Variants in TLN2 observed in about 807,000 individuals in gnomAD.
The protein encoded by TLN2 is talin 2.
In TLN2, 118 loss-of-function variants were observed where a neutral mutation model predicts 294.7. That is an observed-to-expected ratio of 0.40 (90% CI 0.34 to 0.47). The LOEUF (loss-of-function observed/expected upper bound fraction) is 0.47. Ranked by LOEUF, TLN2 falls within the 20% of genes least tolerant of loss-of-function variation. TLN2 has a pLI of 0.84. For synonymous variants in TLN2, 1,431 were observed against 1,304.5 expected, an observed-to-expected ratio of 1.10 and a Z score of -2.09; for missense variants, 3,083 against 3,282.2, an observed-to-expected ratio of 0.94 and a Z score of 1.48.
chr15:62,602,475 A>G (rs1201211614), intron 2 of TLN2, among the ~76,000 whole-genome samples: 1 of 152,224 alleles, frequency 6.6e-6, no homozygotes, highest in Non-Finnish European at 1.5e-5. Context: ...CAGTATTGTC[A>G]GGGATCCAGA....
At chr15:62,407,748 C>T (rs2033496683) in intron 1 of TLN2, among the ~76,000 whole-genome samples, 1 of 151,986 alleles carries the variant, frequency 6.6e-6, no homozygotes, top group Non-Finnish European at 1.5e-5. Flanking sequence ...GAAACCCCAT[C>T]TCTACTAAAA....
intron 2 of TLN2, among the ~76,000 whole-genome samples, chr15:62,593,122 G>C (rs1167638801): frequency 2.6e-5 from 4 of 152,178 alleles, no homozygotes; most frequent in Non-Finnish European, 5.9e-5. Context: ...TTGTCATTCT[G>C]TACCAGTCAT....
chr15:62,764,916 A>G (rs2062897474), intron 40 of TLN2, among the ~76,000 whole-genome samples: 1 of 149,762 alleles, frequency 6.7e-6, no homozygotes, highest in Non-Finnish European at 1.5e-5. Flanking sequence ...GCAGTGAGTG[A>G]GCCGAGATCA....
chr15:62,447,139 T>A (rs143440631), intron 1 of TLN2, among the ~76,000 whole-genome samples: 3 of 147,820 alleles, frequency 2.0e-5, no homozygotes, highest in Non-Finnish European at 4.5e-5. Context: ...TCCCAGACTT[T>A]GTTCAAGAAG....
chr15:62,445,350 T>C (rs1185798164), intron 1 of TLN2, among the ~76,000 whole-genome samples: 4 of 152,176 alleles, frequency 2.6e-5, no homozygotes, highest in African/African-American at 9.7e-5. Flanking sequence ...CTAATGTATA[T>C]GCTATATACG....
At chr15:62,763,726 C>T (rs374338393) in intron 40 of TLN2, 31 bp downstream of exon 40, 65 of 1,571,324 alleles carry the variant, frequency 4.1e-5, no homozygotes, top group Non-Finnish European at 4.7e-5. Context: ...CCTGCTTAGT[C>T]GCCTCTAGAT....
At chr15:62,466,521 T>C (rs1387813392) in intron 1 of TLN2, among the ~76,000 whole-genome samples, 1 of 152,232 alleles carries the variant, frequency 6.6e-6, no homozygotes, top group African/African-American at 2.4e-5. Flanking sequence ...CATTGCCAAA[T>C]GTTCCCTGTG....
intron 1 of TLN2, among the ~76,000 whole-genome samples, chr15:62,485,421 G>T (rs963728238): frequency 6.6e-6 from 1 of 152,146 alleles, no homozygotes; most frequent in Non-Finnish European, 1.5e-5. Context: ...GATGCCTGGC[G>T]GTGTGGTCTC....
At chr15:62,648,384 G>A (rs77215444) in intron 4 of TLN2, among the ~76,000 whole-genome samples, 4,873 of 123,744 alleles carry the variant, frequency 0.039, 300 homozygotes, top group African/African-American at 0.14. Context: ...CAGCCTGGGC[G>A]ATGAAGCGAG....
intron 1 of TLN2, among the ~76,000 whole-genome samples, chr15:62,550,637 G>A (rs978846933): frequency 2.0e-5 from 3 of 152,104 alleles, no homozygotes; most frequent in African/African-American, 7.2e-5. Flanking sequence ...AAGGATATTT[G>A]GGGGGTCACT....
rs1487400605 is a variant in TLN2 at position 62,838,908 on chromosome 15, A to G, written c.7427A>G (p.Gln2476Arg). ...RASDNLVRAA[Q>R]KAAFGKADDD... ...TCAGACAATCTTGTCCGTGCAGCCCAGAAGGCAGCTTTTGGCAAAGCTGAT... is the reference window on the plus strand; with the variant it reads ...TCAGACAATCTTGTCCGTGCAGCCCGGAAGGCAGCTTTTGGCAAAGCTGAT... Residue 2476 changes from glutamine (Q) to arginine (R), a missense_variant, in exon 58 of 59, where the codon CAG (glutamine) becomes CGG (arginine). Coordinates refer to ENST00000636159, the MANE Select transcript of TLN2 (RefSeq NM_015059.3). 5 of 1,612,178 alleles carry G rather than the reference A, an allele frequency of 3.1e-6. No homozygotes were observed. The highest frequency in any genetic ancestry group is 4.2e-6 in the Non-Finnish European group (5 of 1,180,030).
intron 1 of TLN2, among the ~76,000 whole-genome samples, chr15:62,507,372 C>T (rs904931044): frequency 2.0e-5 from 3 of 152,196 alleles, no homozygotes; most frequent in African/African-American, 7.2e-5. Context: ...CCGTGTGATG[C>T]TTGAGTTGCC....
intron 9 of TLN2, among the ~76,000 whole-genome samples, chr15:62,668,681 A>C (rs1288657237): frequency 1.3e-5 from 2 of 152,202 alleles, no homozygotes; most frequent in Non-Finnish European, 2.9e-5. Context: ...ACCCTGGGCA[A>C]CTTAGCATCG....
At chr15:62,738,951 G>T (rs2061172804) in intron 30 of TLN2, among the ~76,000 whole-genome samples, 1 of 152,166 alleles carries the variant, frequency 6.6e-6, no homozygotes, top group Non-Finnish European at 1.5e-5. Flanking sequence ...AAGTTTGAGA[G>T]CATCTGCCTT....
chr15:62,589,436 C>G (rs1181522592), intron 1 of TLN2, among the ~76,000 whole-genome samples: 1 of 152,150 alleles, frequency 6.6e-6, no homozygotes, highest in Non-Finnish European at 1.5e-5. Flanking sequence ...GCATTCCTAC[C>G]ACAAGGAAGA....
chr15:62,642,776 C>T (rs749026904), intron 3 of TLN2, among the ~76,000 whole-genome samples: 1 of 150,950 alleles, frequency 6.6e-6, no homozygotes, highest in East Asian at 1.9e-4. Flanking sequence ...CTGCTCATTG[C>T]GGGTTCAATG....
chr15:62,779,723 G>A (rs1206409057), intron 43 of TLN2, among the ~76,000 whole-genome samples: 3 of 152,222 alleles, frequency 2.0e-5, no homozygotes, highest in East Asian at 1.9e-4. Context: ...GAATGAGTAT[G>A]CAATTCAGTC....
rs2056046454 is a variant in TLN2 at position 62,675,318 on chromosome 15, G to A, written c.954G>A (p.Val318=). ...LRTYGVSFFL[V]KEKMKGKNKL... is the part of the protein sequence containing the mutation. ...CATATGGCGTGTCCTTCTTCCTGGT[G>A]AAGGTGAGTTGGGCAGAATGGGGAG... The change falls in exon 11 of 59, where the codon GTG becomes GTA. Residue 318 remains valine, a synonymous_variant. Coordinates refer to ENST00000636159, the MANE Select transcript of TLN2 (RefSeq NM_015059.3). The A allele has an allele frequency of 1.2e-6, 2 of 1,614,134 alleles. No individual in the cohort carries two copies. Among genetic ancestry groups the A allele is most frequent in the Non-Finnish European group, 1.7e-6 (2 of 1,179,988 alleles).
intron 1 of TLN2, among the ~76,000 whole-genome samples, chr15:62,506,941 G>A (rs2039650758): frequency 6.6e-6 from 1 of 152,120 alleles, no homozygotes; most frequent in Non-Finnish European, 1.5e-5. Flanking sequence ...TGTCATTTCA[G>A]CATATGTGAA....
Sources: allele counts gnomAD v4.1 joint callset (sites outside exome capture counted in the v4.1 genomes callset), GRCh38; gene constraint gnomAD v4.1.1; transcripts MANE v1.5; gene names NCBI Gene and HGNC (gene_info 2026-07-23, HGNC 2026-07-21).